Variants in TACR2 observed in about 807,000 individuals in gnomAD.
TACR2 encodes tachykinin receptor 2.
Under a neutral mutation model 28.9 loss-of-function variants are expected in TACR2, and 24 were observed. The ratio of observed to expected loss-of-function variants is 0.83; its 90% confidence interval spans 0.60 to 1.17. The LOEUF (loss-of-function observed/expected upper bound fraction) is 1.17, where lower values mean the gene tolerates loss of function less well. TACR2 is among the 50% of genes most tolerant of loss of function. The pLI is 0.00. For synonymous variants in TACR2, 222 were observed against 212.6 expected (o/e 1.04, Z -0.38); for missense variants, 487 against 524.4 (o/e 0.93, Z 0.70).
At chr10:69,408,372 T>G (rs1840523463) in intron 3 of TACR2, among the ~76,000 whole-genome samples, 1 of 152,246 alleles carries the variant, frequency 6.6e-6, no homozygotes, top group Admixed American at 6.5e-5. Context: ...TTTTAATATT[T>G]TATCATTCTA....
At chr10:69,407,428 G>A in intron 3 of TACR2, 148 bp from the exon 4 acceptor site, 1 of 786,110 alleles carries the variant, frequency 1.3e-6, no homozygotes, top group Admixed American at 3.2e-5. Context: ...CTCTGAGCAT[G>A]TTTTGCCCAG....
rs749190737 is a variant in TACR2, at chr10:69,407,187, T to C, written c.835A>G (p.Ile279Val). The change falls in exon 4 of 5, where the codon ATC becomes GTC. Residue 279 changes from isoleucine (I) to valine (V), a missense_variant. Ile to Val is a conservative substitution (Grantham distance 29). Coordinates refer to ENST00000373306, the MANE Select transcript of TACR2 (RefSeq NM_001057.3). Reference sequence around the variant, plus strand: ...TGCTGGATGAACTTGTGGCAGTAGATGTCCTCCTGGAAGCTGCCCAGGATG... The same window carrying C: ...TGCTGGATGAACTTGTGGCAGTAGACGTCCTCCTGGAAGCTGCCCAGGATG... ...YFILGSFQEDIYCHKFIQQVY... is the reference protein window; with the variant it reads ...YFILGSFQEDVYCHKFIQQVY... 6.2e-7 allele frequency: 1 copy of C among 1,613,868 alleles called. No individual in the cohort carries two copies.
At chr10:69,411,609 C>A (rs1389048471) in intron 2 of TACR2, among the ~76,000 whole-genome samples, 3 of 151,952 alleles carry the variant, frequency 2.0e-5, no homozygotes, top group Non-Finnish European at 4.4e-5. Context: ...AGATGTTTTG[C>A]AGAGCCTGCA....
At chr10:69,408,380 C>G (rs918819011) in intron 3 of TACR2, among the ~76,000 whole-genome samples, 13 of 152,170 alleles carry the variant, frequency 8.5e-5, no homozygotes, top group African/African-American at 3.1e-4. Context: ...TTTTATCATT[C>G]TAAGATTCTT....
chr10:69,410,467 G>C (rs563948961), intron 2 of TACR2, among the ~76,000 whole-genome samples: 1 of 150,484 alleles, frequency 6.6e-6, no homozygotes, highest in East Asian at 2.0e-4. Context: ...GCTGTAATGA[G>C]CTATGATTGG....
Position 69,408,903 on chromosome 10 carries a change from C to G in TACR2, c.741+19G>C. ...CCCTCCAGGCCCCGCCCCCTCCAGGCCCCCGCCCCCGCGCCCACCTTCTTC... is the reference window on the plus strand; with the variant it reads ...CCCTCCAGGCCCCGCCCCCTCCAGGGCCCCGCCCCCGCGCCCACCTTCTTC... On this transcript the variant is annotated intron_variant, in intron 3 of 4. Transcript: ENST00000373306. The G allele has an allele frequency of 8.4e-7, 1 of 1,186,564 alleles. No individual in the cohort carries two copies. The highest frequency in any genetic ancestry group is 1.1e-6 in the Non-Finnish European group (1 of 938,866). 73.5% of individuals were successfully genotyped at this position (1,186,564 alleles called of 1,614,324 possible). A position where few individuals can be genotyped will look rare whatever the true frequency, so the allele number is the denominator to read the frequency against.
intron 2 of TACR2, among the ~76,000 whole-genome samples, chr10:69,410,807 T>G (rs4746852): frequency 0.61 from 92,735 of 152,062 alleles, 29,349 homozygotes; most frequent in African/African-American, 0.76. Flanking sequence ...AGGCTGTGAC[T>G]CACGTAGCGT....
intron 2 of TACR2, among the ~76,000 whole-genome samples, chr10:69,413,526 C>T (rs946524495): frequency 1.2e-4 from 18 of 152,206 alleles, no homozygotes; most frequent in African/African-American, 3.6e-4. Context: ...TATCGCCCTC[C>T]GTGAGAGGGT....
chr10:69,414,398 T>A (rs887700143), intron 2 of TACR2, among the ~76,000 whole-genome samples: 1 of 152,216 alleles, frequency 6.6e-6, no homozygotes, highest in African/African-American at 2.4e-5. Flanking sequence ...GCCCACACAC[T>A]TGCACGTGTA....
At position 69,416,637 on chromosome 10, in the gene TACR2, C is replaced by T. The variant is rs1589605441; in HGVS notation, c.-314G>A. 2 of 264,196 alleles carry T rather than the reference C, an allele frequency of 7.6e-6. No individual in the cohort carries two copies. Among genetic ancestry groups the T allele is most frequent in the Non-Finnish European group, 1.4e-5 (2 of 139,724 alleles). The allele number at this position is 264,196 out of a possible 1,614,324, so 16.4% of individuals were successfully genotyped here. On this transcript the variant is annotated 5_prime_UTR_variant, in exon 1 of 5. Transcript: ENST00000373306. Reference sequence around the variant, plus strand: ...GCAGAAAACACCCTTATAAATCAACCCCTTCGCTGAAGAGATGGAAGACAG... The same window carrying T: ...GCAGAAAACACCCTTATAAATCAACTCCTTCGCTGAAGAGATGGAAGACAG...
chr10:69,415,248 G>A (rs900278779), intron 1 of TACR2, 109 bp from the exon 2 acceptor site: 31 of 1,204,150 alleles, frequency 2.6e-5, no homozygotes, highest in Admixed American at 7.9e-5. Flanking sequence ...GCCATTCCCC[G>A]CACTGCTGCC....
rs1016667935 is a variant in TACR2, at chr10:69,405,441, T to C, written c.939-357A>G. On this transcript the variant is annotated intron_variant, in intron 4 of 4. Transcript: ENST00000373306. ...CTTGTCTGACTTGTTAACTGGCTTC[T>C]AAGGGATGAGTCAAAGAAGAACCTG... 2.6e-5 allele frequency among the ~76,000 whole-genome samples: 4 copies of C among 152,192 alleles called. No homozygotes were observed. In the South Asian group the frequency reaches 8.3e-4, roughly 32 times the overall value.
At chr10:69,411,307 C>T (rs540107670) in intron 2 of TACR2, among the ~76,000 whole-genome samples, 9 of 152,350 alleles carry the variant, frequency 5.9e-5, no homozygotes, top group African/African-American at 2.2e-4. Context: ...CTAACCAACT[C>T]TATCTTGCTT....
Position 69,404,922 on chromosome 10 carries a change from C to T in TACR2, c.1101G>A (p.Glu367=), listed in dbSNP as rs201371146. The change falls in exon 5 of 5, where the codon GAG becomes GAA. Residue 367 remains glutamate (E), a synonymous_variant. Transcript: ENST00000373306. ...LFMAGDTAPS[E]ATSGEAGRPQ... ...GACGCCCCGCCTCCCCACTGGTAGC[C>T]TCGGAGGGGGCTGTGTCCCCAGCCA... 5 of 1,614,038 alleles carry T rather than the reference C, an allele frequency of 3.1e-6. No homozygotes were observed. Among genetic ancestry groups the T allele is most frequent in the Non-Finnish European group, 2.5e-6 (3 of 1,180,006 alleles).
At chr10:69,409,931 A>ATATATATG (rs1840554701) in intron 2 of TACR2, among the ~76,000 whole-genome samples, 1 of 97,192 alleles carries the variant, frequency 1.0e-5, no homozygotes, top group Non-Finnish European at 2.1e-5. Context: ...ATATATATAT[A>ATATATATG]TATATATATA....
Position 69,404,842 on chromosome 10 carries a change from G to A in TACR2, c.1181C>T (p.Thr394Ile), listed in dbSNP as rs1239651953. 9 of 1,552,120 alleles carry A rather than the reference G, an allele frequency of 5.8e-6. No individual in the cohort carries two copies. Among genetic ancestry groups the A allele is most frequent in the Non-Finnish European group, 7.9e-6 (9 of 1,143,468 alleles). Reference protein sequence around the residue: ...FGYGLLAPTKTHVEI With the variant: ...FGYGLLAPTKIHVEI ...ACATTGGGATCAAATTTCAACATGA[G>A]TTTTGGTGGGGGCAAGCAAACCATA... The change falls in exon 5 of 5, where the codon ACT becomes ATT. Residue 394 changes from threonine to isoleucine, a missense_variant. Coordinates refer to ENST00000373306, the MANE Select transcript of TACR2 (RefSeq NM_001057.3).
intron 2 of TACR2, among the ~76,000 whole-genome samples, chr10:69,413,331 A>T (rs760660490): frequency 6.6e-6 from 1 of 152,012 alleles, no homozygotes. Flanking sequence ...TTCCTAGCCC[A>T]CCCCTGCCCG....
Position 69,407,070 on chromosome 10 carries a change from G to C in TACR2, c.938+14C>G, listed in dbSNP as rs749202641. 1 of 1,613,202 alleles carries C rather than the reference G, an allele frequency of 6.2e-7. No homozygotes were observed. The highest frequency in any genetic ancestry group is 1.1e-5 in the South Asian group (1 of 91,012). ...GCCCTGAGGGCAGAGGGTGGGGCTG[G>C]AGTGGGGGCTCACCTGTGGTTGAGA... On this transcript the variant is annotated intron_variant, in intron 4 of 4. Transcript: ENST00000373306.
intron 3 of TACR2, among the ~76,000 whole-genome samples, chr10:69,407,669 A>C (rs1840515844): frequency 6.6e-6 from 1 of 151,942 alleles, no homozygotes; most frequent in South Asian, 2.1e-4. Context: ...ATGCGTTCCC[A>C]GGACGCCCCC....
Sources: gnomAD v4.1 joint callset for allele counts (sites outside exome capture counted in the v4.1 genomes callset) on GRCh38, gnomAD v4.1.1 for gene constraint, MANE v1.5 for transcripts, NCBI Gene and HGNC (gene_info 2026-07-23, HGNC 2026-07-21) for gene names.